The following STAU2 variants were observed in gnomAD, a reference collection of about 807,000 sequenced individuals.
STAU2 encodes staufen double-stranded RNA binding protein 2, also known as double-stranded RNA-binding protein Staufen homolog 2.
In STAU2, 20 loss-of-function variants were observed where a neutral mutation model predicts 65.9. The ratio of observed to expected loss-of-function variants is 0.30; its 90% confidence interval spans 0.21 to 0.44. The LOEUF is 0.44. Among genes scored for constraint, STAU2 ranks in the 20% least tolerant of loss-of-function variants. The pLI is 1.00. For synonymous variants in STAU2, 232 were observed against 233.9 expected (o/e 0.99, Z 0.07); for missense variants, 558 against 683.9 (o/e 0.82, Z 2.05).
At chr8:73,609,941 T>C (rs901650692) in intron 9 of STAU2, among the ~76,000 whole-genome samples, 2 of 152,128 alleles carry the variant, frequency 1.3e-5, no homozygotes, top group South Asian at 2.1e-4. Flanking sequence ...AAGAATCAGA[T>C]ACATAAATCC....
chr8:73,477,868 T>C (rs1820396873), intron 13 of STAU2, among the ~76,000 whole-genome samples: 2 of 152,216 alleles, frequency 1.3e-5, no homozygotes, highest in South Asian at 4.1e-4. Flanking sequence ...AAGAAGATTA[T>C]TAGGTTGAGA....
At position 73,603,745 on chromosome 8, in the gene STAU2, C is replaced by T. The variant is rs377142999; in HGVS notation, c.1010G>A (p.Arg337His). 134 of 1,610,986 alleles carry T rather than the reference C, an allele frequency of 8.3e-5. No homozygotes were observed. The highest frequency in any genetic ancestry group is 4.7e-4 in the East Asian group (21 of 44,862). The change falls in exon 10 of 15, where the codon CGT (arginine) becomes CAT (histidine). Residue 337 changes from arginine to histidine, a missense_variant. Physicochemically the swap from Arg to His is conservative, Grantham distance 29. Around this residue, in one of 3 missense-constraint regions of STAU2, gnomAD observed 199 missense variants for 299.5 expected, o/e 0.66. Coordinates refer to ENST00000524300, the MANE Select transcript of STAU2 (RefSeq NM_001164380.2). ...AAATACCTGCATCACAAATTCTCGA[C>T]GTCGAGGCATTCCTCTTTCTGAAAG... ...VLLSERGMPR[R>H]REFVMQVKVG... is the part of the protein sequence containing the mutation.
chr8:73,693,830 T>C (rs1819522752), intron 4 of STAU2, among the ~76,000 whole-genome samples: 1 of 152,234 alleles, frequency 6.6e-6, no homozygotes, highest in Non-Finnish European at 1.5e-5. Flanking sequence ...ACCTCTTTAG[T>C]GAAATGAGGC....
At chr8:73,704,701 C>G (rs1169431760) in intron 4 of STAU2, among the ~76,000 whole-genome samples, 1 of 151,846 alleles carries the variant, frequency 6.6e-6, no homozygotes, top group Non-Finnish European at 1.5e-5. Flanking sequence ...ATGGAGTCTC[C>G]CTCTGTCGCC....
intron 6 of STAU2, among the ~76,000 whole-genome samples, chr8:73,631,393 A>G (rs1052630083): frequency 5.3e-5 from 8 of 151,460 alleles, no homozygotes; most frequent in Non-Finnish European, 1.0e-4. Context: ...AAAAAAAAAG[A>G]GGAATAAAAA....
rs548532038 is a variant in STAU2, at chr8:73,540,834, T to C, written c.1530+11178A>G. On this transcript the variant is annotated intron_variant, in intron 13 of 14. Transcript: ENST00000524300. ...AATTATGAGTTTTGACTTTTTTTTT[T>C]CCATCTGTGCTTCTTATAGTTCTAC... Among the ~76,000 whole-genome samples the C allele has an allele frequency of 3.9e-5, 6 of 152,274 alleles. No homozygotes were observed. The East Asian group carries it at 9.7e-4, about 25-fold the overall frequency.
intron 13 of STAU2, among the ~76,000 whole-genome samples, chr8:73,545,370 G>C (rs1007210924): frequency 1.3e-5 from 2 of 151,946 alleles, no homozygotes; most frequent in African/African-American, 4.8e-5. Context: ...TAAAAAAATA[G>C]ATAATACTAC....
At chr8:73,605,842 T>TACACACACACAC (rs1176899097) in intron 9 of STAU2, among the ~76,000 whole-genome samples, 13 of 118,388 alleles carry the variant, frequency 1.1e-4, no homozygotes, top group South Asian at 3.0e-4. Context: ...CACATACACA[T>TACACACACACAC]ACACACACAC....
At chr8:73,661,910 T>C (rs913821624) in intron 6 of STAU2, among the ~76,000 whole-genome samples, 1 of 152,212 alleles carries the variant, frequency 6.6e-6, no homozygotes, top group African/African-American at 2.4e-5. Flanking sequence ...GTATAAGTCT[T>C]TGAATGGCCA....
chr8:73,629,338 A>G (rs192015758), intron 6 of STAU2, among the ~76,000 whole-genome samples: 6 of 152,328 alleles, frequency 3.9e-5, no homozygotes, highest in Admixed American at 2.6e-4. Flanking sequence ...GCTCCAACAC[A>G]TCATAAAAAT....
chr8:73,704,692 T>G (rs888582023), intron 4 of STAU2, among the ~76,000 whole-genome samples: 1 of 152,200 alleles, frequency 6.6e-6, no homozygotes, highest in Non-Finnish European at 1.5e-5. Flanking sequence ...TTTTTTGAGA[T>G]GGAGTCTCCC....
chr8:73,495,136 A>G (rs758168021), intron 13 of STAU2, among the ~76,000 whole-genome samples: 13 of 151,586 alleles, frequency 8.6e-5, no homozygotes, highest in Non-Finnish European at 1.5e-4. Context: ...TTCAATGGAA[A>G]TAATAAATCT....
At chr8:73,687,312 T>TTTATATTTATATTTATAAATATAAA (rs1563506654) in intron 5 of STAU2, among the ~76,000 whole-genome samples, 2,242 of 104,128 alleles carry the variant, frequency 0.022, 124 homozygotes, top group African/African-American at 0.07. Context: ...ATAAATATAA[T>TTTATATTTATATTTATAAATATAAA]TTATATTTAT....
chr8:73,552,559 A>C (rs570477280), intron 12 of STAU2, among the ~76,000 whole-genome samples: 1 of 152,238 alleles, frequency 6.6e-6, no homozygotes, highest in African/African-American at 2.4e-5. Context: ...TTTCAATGGG[A>C]CTTATGTGTA....
chr8:73,707,390 G>T (rs1427088059), intron 4 of STAU2, among the ~76,000 whole-genome samples: 1 of 152,200 alleles, frequency 6.6e-6, no homozygotes, highest in African/African-American at 2.4e-5. Flanking sequence ...ATAAGGTCAA[G>T]AATGTGATTA....
At chr8:73,723,881 A>C (rs1388936947) in intron 3 of STAU2, among the ~76,000 whole-genome samples, 4 of 152,196 alleles carry the variant, frequency 2.6e-5, no homozygotes, top group Admixed American at 6.5e-5. Flanking sequence ...ATACATGGTA[A>C]TCTTTAACTG....
chr8:73,615,750 G>A lies in STAU2; in HGVS notation c.603C>T (p.Asp201=). The A allele has an allele frequency of 1.2e-6, 2 of 1,613,480 alleles. No individual in the cohort carries two copies. The highest frequency in any genetic ancestry group is 1.3e-5 in the African/African-American group (1 of 75,018). Residue 201 remains aspartate, a synonymous_variant, in exon 8 of 15, where the codon GAC becomes GAT. Coordinates refer to ENST00000524300, the MANE Select transcript of STAU2 (RefSeq NM_001164380.2). The stretch of plus-strand genomic sequence containing the variant: ...TGATCTCAGACTTATTTGCATCTTT[G>A]TCATCATCCACATCCTTTCCTGATT... ...NGESGKDVDD[D]KDANKSEISL...
chr8:73,630,531 A>G (rs559550903), intron 6 of STAU2, among the ~76,000 whole-genome samples: 4 of 152,366 alleles, frequency 2.6e-5, no homozygotes, highest in African/African-American at 9.6e-5. Flanking sequence ...TAGTCACACT[A>G]AATACAAAGT....
At chr8:73,462,879 C>CA (rs563437693) in intron 13 of STAU2, among the ~76,000 whole-genome samples, 1 of 152,078 alleles carries the variant, frequency 6.6e-6, no homozygotes, top group Non-Finnish European at 1.5e-5. Context: ...GTATACACAG[C>CA]AAAGACTATG....
Sources: allele counts gnomAD v4.1 joint callset (sites outside exome capture counted in the v4.1 genomes callset), GRCh38; gene constraint gnomAD v4.1.1; regional missense constraint gnomAD v4.1.1; transcripts MANE v1.5; gene names NCBI Gene and HGNC (gene_info 2026-07-23, HGNC 2026-07-21).